Variants in OSBPL6 observed in about 807,000 individuals in gnomAD.
The protein encoded by OSBPL6 is oxysterol-binding protein-related protein 6.
A neutral mutation model predicts 125.8 loss-of-function variants in OSBPL6; 49 were observed. The ratio of observed to expected loss-of-function variants is 0.39; its 90% CI spans 0.31 to 0.49. OSBPL6 has a LOEUF of 0.49. Ranked by LOEUF, OSBPL6 falls within the 20% of genes least tolerant of loss-of-function variation. The pLI, the probability that OSBPL6 is intolerant of heterozygous loss-of-function variation, is 0.88. For synonymous variants in OSBPL6, 394 were observed against 391.8 expected (o/e 1.01, Z -0.07); for missense variants, 986 against 1,135.4 (o/e 0.87, Z 1.89).
chr2:178,312,444 G>A (rs368862276), intron 3 of OSBPL6, among the ~76,000 whole-genome samples: 9 of 146,240 alleles, frequency 6.2e-5, no homozygotes, highest in Admixed American at 2.1e-4. Context: ...AGGCATGAAC[G>A]ACCATGCCCA....
chr2:178,339,169 AT>A, intron 10 of OSBPL6, 75 bp downstream of exon 10: 1 of 810,136 alleles, frequency 1.2e-6, no homozygotes, highest in East Asian at 2.8e-5. Context: ...TTCTATGAAT[AT>A]ATAAGGTAAC....
At chr2:178,355,786 A>T (rs1691724918) in intron 12 of OSBPL6, among the ~76,000 whole-genome samples, 1 of 152,248 alleles carries the variant, frequency 6.6e-6, no homozygotes, top group South Asian at 2.1e-4. Flanking sequence ...CACAACAAAA[A>T]AAGAGAATTT....
chr2:178,310,412 CTTTTTTTTTT>C (rs71023440), intron 3 of OSBPL6, among the ~76,000 whole-genome samples: 1 of 85,690 alleles, frequency 1.2e-5, no homozygotes, highest in East Asian at 3.5e-4. Context: ...AAACTGAACT[CTTTTTTTTTT>C]TTTTTTTTTT....
chr2:178,392,675 G>A, intron 23 of OSBPL6, 137 bp downstream of exon 23: 2 of 1,145,320 alleles, frequency 1.7e-6, no homozygotes, highest in Non-Finnish European at 2.4e-6. Flanking sequence ...GGACAATATA[G>A]TGAGACTCTA....
At chr2:178,228,084 G>A (rs1013375588) in intron 1 of OSBPL6, among the ~76,000 whole-genome samples, 1 of 152,202 alleles carries the variant, frequency 6.6e-6, no homozygotes, top group East Asian at 1.9e-4. Flanking sequence ...TACATTTACA[G>A]CAGTTGGAAA....
At chr2:178,308,004 G>T (rs1276275000) in intron 3 of OSBPL6, among the ~76,000 whole-genome samples, 1 of 152,180 alleles carries the variant, frequency 6.6e-6, no homozygotes, top group East Asian at 1.9e-4. Context: ...AAAGTTTTAT[G>T]ATGGGAATGA....
chr2:178,270,744 G>C (rs2092358385), intron 1 of OSBPL6, among the ~76,000 whole-genome samples: 1 of 152,194 alleles, frequency 6.6e-6, no homozygotes, highest in African/African-American at 2.4e-5. Flanking sequence ...GATGTATATA[G>C]AGGTGTTAGA....
At chr2:178,270,527 A>G (rs2154024488) in intron 1 of OSBPL6, among the ~76,000 whole-genome samples, 1 of 152,330 alleles carries the variant, frequency 6.6e-6, no homozygotes, top group South Asian at 2.1e-4. Context: ...AAGAGTAGGA[A>G]TGTGAACCGA....
intron 1 of OSBPL6, among the ~76,000 whole-genome samples, chr2:178,219,688 T>C (rs2153967915): frequency 6.6e-6 from 1 of 152,330 alleles, no homozygotes; most frequent in South Asian, 2.1e-4. Flanking sequence ...AAGATTCTAC[T>C]TTTGGAGTGT....
At chr2:178,273,352 G>A (rs553614534) in intron 1 of OSBPL6, among the ~76,000 whole-genome samples, 1 of 152,144 alleles carries the variant, frequency 6.6e-6, no homozygotes, top group Non-Finnish European at 1.5e-5. Context: ...ACTTTGGGAG[G>A]CCAAGGCAGG....
At position 178,327,021 on chromosome 2, in the gene OSBPL6, G is replaced by T. The variant is rs190168913; in HGVS notation, c.196-1235G>T. 4.0e-5 allele frequency among the ~76,000 whole-genome samples: 6 copies of T among 151,750 alleles called. No individual in the cohort carries two copies. The East Asian group carries it at 7.7e-4, about 20-fold the overall frequency. ...TTGGGGGCTCTGGGGAAAGGGTGGG[G>T]GGTGGCGAGGGATAAAAGACTACAC... On this transcript the variant is annotated intron_variant, in intron 4 of 24. Coordinates refer to ENST00000190611, the MANE Select transcript of OSBPL6 (RefSeq NM_032523.4).
At chr2:178,382,680 G>GA (rs1694594607) in intron 16 of OSBPL6, 173 bp downstream of exon 16, 1 of 1,461,428 alleles carries the variant, frequency 6.8e-7, no homozygotes, top group Non-Finnish European at 9.0e-7. Flanking sequence ...GTAAATGGTT[G>GA]AAAAAATCTG....
At chr2:178,385,835 A>G (rs1284098942) in intron 19 of OSBPL6, among the ~76,000 whole-genome samples, 2 of 152,226 alleles carry the variant, frequency 1.3e-5, no homozygotes, top group Non-Finnish European at 2.9e-5. Context: ...TGGAGGTTCC[A>G]TCTGCTGCCT....
intron 1 of OSBPL6, among the ~76,000 whole-genome samples, chr2:178,239,876 C>T (rs1320836166): frequency 6.6e-6 from 1 of 151,984 alleles, no homozygotes; most frequent in East Asian, 1.9e-4. Context: ...ATCCACCCGC[C>T]TCGGCCTCTG....
At chr2:178,220,519 T>A (rs907236571) in intron 1 of OSBPL6, among the ~76,000 whole-genome samples, 2 of 152,280 alleles carry the variant, frequency 1.3e-5, no homozygotes, top group East Asian at 3.9e-4. Flanking sequence ...TTGCCCAGGC[T>A]GGTCTTGAAC....
intron 12 of OSBPL6, among the ~76,000 whole-genome samples, chr2:178,354,179 T>A (rs1043271367): frequency 2.0e-5 from 3 of 152,200 alleles, no homozygotes; most frequent in African/African-American, 7.2e-5. Flanking sequence ...CTGCGTCAGT[T>A]AACAGGCAAA....
intron 1 of OSBPL6, among the ~76,000 whole-genome samples, chr2:178,243,179 C>T (rs1167734877): frequency 6.6e-6 from 1 of 152,126 alleles, no homozygotes; most frequent in Non-Finnish European, 1.5e-5. Context: ...CCCTGTGTTC[C>T]CATCCCATTG....
intron 1 of OSBPL6, among the ~76,000 whole-genome samples, chr2:178,244,725 T>A (rs564514178): frequency 1.6e-4 from 25 of 152,346 alleles, no homozygotes; most frequent in Non-Finnish European, 2.9e-4. Flanking sequence ...TTTCTGACAC[T>A]TGGTTAACAA....
At chr2:178,218,502 G>A (rs996362402) in intron 1 of OSBPL6, among the ~76,000 whole-genome samples, 3 of 151,738 alleles carry the variant, frequency 2.0e-5, no homozygotes, top group African/African-American at 7.3e-5. Context: ...TTCTGGGTTG[G>A]TAATGGAAAT....
Sources: gnomAD v4.1 joint callset for allele counts (sites outside exome capture counted in the v4.1 genomes callset) on GRCh38, gnomAD v4.1.1 for gene constraint, MANE v1.5 for transcripts, NCBI Gene and HGNC (gene_info 2026-07-23, HGNC 2026-07-21) for gene names.